The following RIDA variants were observed in gnomAD, a reference collection of about 807,000 sequenced individuals.
RIDA encodes the protein 2-iminobutanoate/2-iminopropanoate deaminase.
A neutral mutation model predicts 17.8 loss-of-function variants in RIDA; 17 were observed. The observed-to-expected ratio is 0.96, with a 90% CI of 0.65 to 1.43. RIDA has a LOEUF of 1.43. RIDA is among the 40% of genes most tolerant of loss of function. RIDA has a pLI of 0.00. For missense variants in RIDA, 158 were observed against 161.7 expected, an observed-to-expected ratio of 0.98 and a Z score of 0.12; for synonymous variants, 48 against 55.7, an observed-to-expected ratio of 0.86 and a Z score of 0.62.
Position 98,104,492 on chromosome 8 carries a change from G to T in RIDA, c.348C>A (p.Pro116=). Residue 116 remains proline, a synonymous_variant, in exon 5 of 6, where the codon CCC becomes CCA. Coordinates refer to ENST00000254878, the MANE Select transcript of RIDA (RefSeq NM_005836.3). ...ARAAYQVAAL[P]KGSRIEIEAV... ...TAGTCATTTAAAGTGTACTTACTTTGGGTAAAGCAGCAACTTGGTAAGCAG... is the reference window on the plus strand; with the variant it reads ...TAGTCATTTAAAGTGTACTTACTTTTGGTAAAGCAGCAACTTGGTAAGCAG... 6.4e-7 allele frequency: 1 copy of T among 1,564,666 alleles called. No homozygotes were observed. The highest frequency in any genetic ancestry group is 8.8e-7 in the Non-Finnish European group (1 of 1,135,646).
chr8:98,106,196 T>A (rs1815630741), intron 3 of RIDA, 76 bp downstream of exon 3: 3 of 1,362,726 alleles, frequency 2.2e-6, no homozygotes. Context: ...CACGGCATCT[T>A]ACTGGATGCC....
chr8:98,114,155 C>G (rs1342208974), intron 1 of RIDA, among the ~76,000 whole-genome samples: 2 of 136,364 alleles, frequency 1.5e-5, no homozygotes, highest in Non-Finnish European at 3.2e-5. Flanking sequence ...GATCCCGGCT[C>G]CAGCCTGGGT....
intron 5 of RIDA, among the ~76,000 whole-genome samples, chr8:98,103,949 T>C (rs972230558): frequency 3.3e-5 from 5 of 152,022 alleles, no homozygotes; most frequent in Admixed American, 6.6e-5. Context: ...TTTCTCACAA[T>C]TTAAGTATTT....
chr8:98,110,795 G>C (rs1207237686), intron 1 of RIDA, among the ~76,000 whole-genome samples: 2 of 152,106 alleles, frequency 1.3e-5, no homozygotes, highest in African/African-American at 4.8e-5. Context: ...CCCACATGTT[G>C]AGAGTAGGAC....
At chr8:98,105,778 G>A (rs1438263129) in intron 4 of RIDA, among the ~76,000 whole-genome samples, 160 bp downstream of exon 4, 2 of 152,094 alleles carry the variant, frequency 1.3e-5, no homozygotes, top group African/African-American at 2.4e-5. Context: ...TTCATGGGGG[G>A]TATACAACAT....
At position 98,105,311 on chromosome 8, in the gene RIDA, A is replaced by G. The variant is rs78623803; in HGVS notation, c.295+627T>C. ...GGTCTTTTCTAATAATTTCTTCAGGAGAGAATAAGTAACGATGCTTTTTCC... is the reference window on the plus strand; with the variant it reads ...GGTCTTTTCTAATAATTTCTTCAGGGGAGAATAAGTAACGATGCTTTTTCC... On this transcript the variant is annotated intron_variant, in intron 4 of 5. Transcript: ENST00000254878. 5.8e-3 allele frequency among the ~76,000 whole-genome samples: 878 copies of G among 152,202 alleles called. 7 individuals are homozygous for G. Among genetic ancestry groups the G allele is most frequent in the Non-Finnish European group, 8.4e-3 (568 of 68,014 alleles).
chr8:98,114,274 T>C (rs1815769336), intron 1 of RIDA, among the ~76,000 whole-genome samples: 1 of 152,036 alleles, frequency 6.6e-6, no homozygotes, highest in Non-Finnish European at 1.5e-5. Flanking sequence ...AAATAAAGTT[T>C]ATATTCTTCC....
intron 1 of RIDA, among the ~76,000 whole-genome samples, chr8:98,114,229 A>T (rs1815768878): frequency 6.6e-6 from 1 of 152,228 alleles, no homozygotes; most frequent in East Asian, 1.9e-4. Context: ...AACCACAAGA[A>T]AAAAACCACA....
At chr8:98,103,705 C>T (rs1314157657) in intron 5 of RIDA, among the ~76,000 whole-genome samples, 1 of 151,038 alleles carries the variant, frequency 6.6e-6, no homozygotes, top group African/African-American at 2.4e-5. Context: ...GGCGCGATTT[C>T]GGCTCACTGC....
chr8:98,105,880 G>A, intron 4 of RIDA, 58 bp downstream of exon 4: 2 of 1,030,344 alleles, frequency 1.9e-6, no homozygotes, highest in South Asian at 2.6e-5. Flanking sequence ...ATTCATTAAT[G>A]TGACCAGATT....
At chr8:98,110,618 A>C (rs1815713804) in intron 1 of RIDA, among the ~76,000 whole-genome samples, 1 of 152,238 alleles carries the variant, frequency 6.6e-6, no homozygotes, top group South Asian at 2.1e-4. Context: ...AAAGCAAAAA[A>C]ATGCAATTTC....
Position 98,114,652 on chromosome 8 carries a change from G to T in RIDA, c.65+2380C>A, listed in dbSNP as rs181881451. ...CCTGGCCAAAATCTAATTTTTGTTG[G>T]TCACTTTTATTTAATTCCCACAATA... is the stretch of plus-strand genomic sequence containing the variant. On this transcript the variant is annotated intron_variant, in intron 1 of 5. Coordinates refer to ENST00000254878, the MANE Select transcript of RIDA (RefSeq NM_005836.3). Among the ~76,000 whole-genome samples the T allele has an allele frequency of 1.6e-3, 239 of 152,102 alleles. 1 individual carries two copies. Among genetic ancestry groups the T allele is most frequent in the Non-Finnish European group, 2.6e-3 (175 of 67,996 alleles).
chr8:98,112,009 A>G (rs1815735156), intron 1 of RIDA, among the ~76,000 whole-genome samples: 1 of 152,132 alleles, frequency 6.6e-6, no homozygotes, highest in Non-Finnish European at 1.5e-5. Flanking sequence ...AATATGGTAT[A>G]TTAAACATTC....
chr8:98,103,940 T>G (rs2130548097), intron 5 of RIDA, among the ~76,000 whole-genome samples: 1 of 151,994 alleles, frequency 6.6e-6, no homozygotes, highest in African/African-American at 2.4e-5. Flanking sequence ...GCCTGGCCTT[T>G]TCTCACAATT....
At chr8:98,106,488 G>C (rs1815634404) in intron 2 of RIDA, 162 bp from the exon 3 acceptor site, 1 of 588,928 alleles carries the variant, frequency 1.7e-6, no homozygotes, top group South Asian at 2.4e-5. Flanking sequence ...TCCTTTAATA[G>C]AATGAGTCTT....
At chr8:98,105,346 C>G (rs1264038352) in intron 4 of RIDA, among the ~76,000 whole-genome samples, 1 of 152,050 alleles carries the variant, frequency 6.6e-6, no homozygotes. Context: ...CAAGTTATAC[C>G]TTTGCCTCAT....
chr8:98,102,883 CTTCAAT>C lies in RIDA; in HGVS notation c.367_372del (p.Ile123_Glu124del), dbSNP rs1815579315. 1 of 1,613,362 alleles carries C rather than the reference CTTCAAT, an allele frequency of 6.2e-7. No homozygotes were observed. The highest frequency in any genetic ancestry group is 1.3e-5 in the African/African-American group (1 of 75,042). ...GTCAGTGGTCCTTGGATAGCTACTG[CTTCAAT>C]TTCAATTCGGCTGCCCTGTGAGGAA... On this transcript the variant is annotated inframe_deletion, in exon 6 of 6. Transcript: ENST00000254878.
rs115196857 is a variant in RIDA at position 98,102,782 on chromosome 8, T to G, written c.*60A>C. 2.2e-3 allele frequency: 2,459 copies of G among 1,124,266 alleles called. 32 individuals are homozygous for G. In the African/African-American group the frequency reaches 0.032, roughly 14 times the overall value. The allele number at this position is 1,124,266 out of a possible 1,614,324, so 69.6% of individuals were successfully genotyped here. A position where few individuals can be genotyped will look rare whatever the true frequency, so the allele number is the denominator to read the frequency against. ...GAAAATTAAAAGGTTAATTAAGATG[T>G]TACATCAATTGTAAAAATTAAAATG... On this transcript the variant is annotated 3_prime_UTR_variant, in exon 6 of 6. Coordinates refer to ENST00000254878, the MANE Select transcript of RIDA (RefSeq NM_005836.3).
Position 98,106,132 on chromosome 8 carries a change from T to C in RIDA, c.227-126A>G, listed in dbSNP as rs564057929. ...TGGGACTGAAATGGGACCAAAGAAG[T>C]GAAGTAGAACAGTTGCTATTTAAAA... On this transcript the variant is annotated intron_variant, in intron 3 of 5. Coordinates refer to ENST00000254878, the MANE Select transcript of RIDA (RefSeq NM_005836.3). The C allele has an allele frequency of 8.5e-6, 9 of 1,052,800 alleles. No individual in the cohort carries two copies. The African/African-American group carries it at 1.4e-4, about 17-fold the overall frequency. 65.2% of individuals were successfully genotyped at this position (1,052,800 alleles called of 1,614,324 possible). A position where few individuals can be genotyped will look rare whatever the true frequency, so the allele number is the denominator to read the frequency against.
Sources: allele counts gnomAD v4.1 joint callset (sites outside exome capture counted in the v4.1 genomes callset), GRCh38; gene constraint gnomAD v4.1.1; transcripts MANE v1.5; gene names NCBI Gene and HGNC (gene_info 2026-07-23, HGNC 2026-07-21).